The following B3GALT1 variants were observed in gnomAD, a reference collection of about 807,000 sequenced individuals.
B3GALT1 encodes UDP-Gal:betaGlcNAc beta 1,3-galactosyltransferase, polypeptide 1.
B3GALT1 carries 10 observed loss-of-function variants against 23.2 expected under a neutral mutation model. That is an observed-to-expected ratio of 0.43 (90% CI 0.27 to 0.73). The LOEUF is 0.73. Ranked by LOEUF, B3GALT1 falls within the 30% of genes least tolerant of loss-of-function variation. The probability of loss-of-function intolerance (pLI) is 0.21; values close to 1 mark genes in which losing one functional copy is unlikely to be tolerated. For synonymous variants in B3GALT1, 156 were observed against 141.5 expected, an observed-to-expected ratio of 1.10 and a Z score of -0.73; for missense variants, 299 against 405.4, an observed-to-expected ratio of 0.74 and a Z score of 2.25.
At chr2:167,575,953 C>G (rs1168157202) in intron 2 of B3GALT1, among the ~76,000 whole-genome samples, 1 of 151,546 alleles carries the variant, frequency 6.6e-6, no homozygotes, top group Admixed American at 6.6e-5. Flanking sequence ...AGTTTTGCCT[C>G]TTCAACAATA....
intron 1 of B3GALT1, among the ~76,000 whole-genome samples, chr2:167,421,355 A>G (rs1698544364): frequency 2.0e-5 from 3 of 152,210 alleles, no homozygotes. Flanking sequence ...GGTTGAGCCT[A>G]GGGTTAAATG....
At chr2:167,738,549 GT>G (rs1687526832) in intron 3 of B3GALT1, among the ~76,000 whole-genome samples, 1 of 152,134 alleles carries the variant, frequency 6.6e-6, no homozygotes, top group South Asian at 2.1e-4. Context: ...CCACAATGGA[GT>G]TCTTATGTTT....
At chr2:167,751,872 A>T (rs1390695181) in intron 3 of B3GALT1, among the ~76,000 whole-genome samples, 2 of 152,130 alleles carry the variant, frequency 1.3e-5, no homozygotes, top group Admixed American at 6.6e-5. Flanking sequence ...AGGAAAGGAG[A>T]TCTTCAAGAC....
intron 3 of B3GALT1, among the ~76,000 whole-genome samples, chr2:167,687,619 A>G (rs1163922791): frequency 2.0e-5 from 3 of 152,180 alleles, no homozygotes; most frequent in Non-Finnish European, 2.9e-5. Context: ...CAAAATTGAT[A>G]TTAAAAATAA....
chr2:167,815,827 G>C (rs926794387), intron 3 of B3GALT1, among the ~76,000 whole-genome samples: 2 of 152,144 alleles, frequency 1.3e-5, no homozygotes, highest in Non-Finnish European at 2.9e-5. Context: ...CAAATGTTGA[G>C]TCTAAGCTAT....
chr2:167,867,102 AT>A (rs35693177), intron 4 of B3GALT1, among the ~76,000 whole-genome samples: 42 of 152,112 alleles, frequency 2.8e-4, no homozygotes, highest in African/African-American at 3.9e-4. Context: ...AATTTTTTGT[AT>A]TTTTAGTAGA....
intron 1 of B3GALT1, among the ~76,000 whole-genome samples, chr2:167,441,178 G>A (rs1385102141): frequency 6.6e-6 from 1 of 152,156 alleles, no homozygotes; most frequent in African/African-American, 2.4e-5. Context: ...TCACATTCAA[G>A]GTTCATGAAG....
At chr2:167,772,384 G>A (rs1355551416) in intron 3 of B3GALT1, among the ~76,000 whole-genome samples, 1 of 152,124 alleles carries the variant, frequency 6.6e-6, no homozygotes, top group South Asian at 2.1e-4. Flanking sequence ...TGAAGTGAGT[G>A]CAATTAGCCT....
At chr2:167,726,131 C>T (rs1233533605) in intron 3 of B3GALT1, among the ~76,000 whole-genome samples, 2 of 152,118 alleles carry the variant, frequency 1.3e-5, no homozygotes, top group Non-Finnish European at 2.9e-5. Flanking sequence ...TTGGAGCTAT[C>T]CATGGAACTT....
At chr2:167,449,850 T>C (rs1355085877) in intron 1 of B3GALT1, among the ~76,000 whole-genome samples, 1 of 152,190 alleles carries the variant, frequency 6.6e-6, no homozygotes, top group African/African-American at 2.4e-5. Flanking sequence ...ATTGAGATAA[T>C]CATGTGAATT....
At position 167,621,089 on chromosome 2, in the gene B3GALT1, C is replaced by CGT. The variant is rs544482610; in HGVS notation, c.-409-25820_-409-25819insGT. ...TTCCCATCTTTTATATTTTTCAGTTCTTTTTTTTTTTTTTTTTGAGGCAGG... is the reference window on the plus strand; with the variant it reads ...TTCCCATCTTTTATATTTTTCAGTTCGTTTTTTTTTTTTTTTTTTGAGGCAGG... On this transcript the variant is annotated intron_variant, in intron 2 of 4. Coordinates refer to ENST00000392690, the MANE Select transcript of B3GALT1 (RefSeq NM_020981.4). Among the ~76,000 whole-genome samples, 5 of 129,194 alleles carry CGT rather than the reference C, an allele frequency of 3.9e-5. No individual in the cohort carries two copies. In the Admixed American group the frequency reaches 4.1e-4, roughly 11 times the overall value. The allele number at this position is 129,194 out of a possible 152,430, so 84.8% of individuals were successfully genotyped here.
At chr2:167,480,029 G>A (rs558945868) in intron 1 of B3GALT1, among the ~76,000 whole-genome samples, 6 of 152,184 alleles carry the variant, frequency 3.9e-5, no homozygotes, top group East Asian at 1.9e-4. Context: ...GTCAGTTGCC[G>A]GAATGTGAAA....
intron 1 of B3GALT1, among the ~76,000 whole-genome samples, chr2:167,357,816 A>G (rs1200946536): frequency 6.6e-6 from 1 of 152,202 alleles, no homozygotes; most frequent in Non-Finnish European, 1.5e-5. Flanking sequence ...TTTTTAATAA[A>G]ACATTGCACA....
rs397870339 is a variant in B3GALT1 at position 167,871,891 on chromosome 2, C to CTTTTT, written c.*1895_*1899dup. On this transcript the variant is annotated 3_prime_UTR_variant, in exon 5 of 5. Coordinates refer to ENST00000392690, the MANE Select transcript of B3GALT1 (RefSeq NM_020981.4). ...AGAGTGTACCTTTTTTATTTATTTA[C>CTTTTT]TTTTTTTTTTTTTTTTTTTTTTTTT... is the stretch of plus-strand genomic sequence containing the variant. The CTTTTT allele has an allele frequency of 1.9e-4, 12 of 62,450 alleles. No homozygotes were observed. Among genetic ancestry groups the CTTTTT allele is most frequent in the Admixed American group, 2.2e-4 (1 of 4,592 alleles). 3.9% of individuals were successfully genotyped at this position (62,450 alleles called of 1,614,324 possible). A position where few individuals can be genotyped will look rare whatever the true frequency, so the allele number is the denominator to read the frequency against.
chr2:167,723,934 G>C lies in B3GALT1; in HGVS notation c.-352+76968G>C, dbSNP rs1687270570. 2.6e-5 allele frequency among the ~76,000 whole-genome samples: 4 copies of C among 152,216 alleles called. No homozygotes were observed. The Middle Eastern group carries it at 0.01, about 388-fold the overall frequency. On this transcript the variant is annotated intron_variant, in intron 3 of 4. Coordinates refer to ENST00000392690, the MANE Select transcript of B3GALT1 (RefSeq NM_020981.4). ...TAAGTCTTTTTGCTCTGAATATAAA[G>C]CTTAACAGTATTGTTTACTGTTTCC...
chr2:167,665,730 G>A (rs1412873224), intron 3 of B3GALT1, among the ~76,000 whole-genome samples: 1 of 152,180 alleles, frequency 6.6e-6, no homozygotes, highest in Non-Finnish European at 1.5e-5. Flanking sequence ...ATTTCTTTTA[G>A]ATTTTCTAGT....
chr2:167,631,824 G>C (rs1394604567), intron 2 of B3GALT1, among the ~76,000 whole-genome samples: 1 of 116,976 alleles, frequency 8.5e-6, no homozygotes, highest in Non-Finnish European at 1.7e-5. Flanking sequence ...TATACTTTAA[G>C]TTCCGGGATA....
At chr2:167,589,810 CT>C (rs1269842285) in intron 2 of B3GALT1, among the ~76,000 whole-genome samples, 1 of 151,948 alleles carries the variant, frequency 6.6e-6, no homozygotes, top group South Asian at 2.1e-4. Flanking sequence ...AAAATAGAGA[CT>C]TTTTATTATT....
chr2:167,404,961 G>A (rs532054598), intron 1 of B3GALT1, among the ~76,000 whole-genome samples: 8 of 152,132 alleles, frequency 5.3e-5, no homozygotes, highest in Middle Eastern at 3.4e-3. Context: ...TTGCTGTTAC[G>A]AGCACAGGAA....
Sources: gnomAD v4.1 joint callset for allele counts (sites outside exome capture counted in the v4.1 genomes callset) on GRCh38, gnomAD v4.1.1 for gene constraint, MANE v1.5 for transcripts, NCBI Gene and HGNC (gene_info 2026-07-23, HGNC 2026-07-21) for gene names.